Variants in ANXA8 observed in about 807,000 individuals in gnomAD.
ANXA8 encodes the protein VAC-beta.
ANXA8 carries 9 observed loss-of-function variants against 26.8 expected under a neutral mutation model. The ratio of observed to expected loss-of-function variants is 0.34; its 90% CI spans 0.20 to 0.59. The LOEUF (loss-of-function observed/expected upper bound fraction) is 0.59, where lower values mean the gene tolerates loss of function less well. Among genes scored for constraint, ANXA8 ranks in the 20% least tolerant of loss-of-function variants. The pLI is 0.84. For synonymous variants in ANXA8, 39 were observed against 94.8 expected (o/e 0.41, Z 3.42); for missense variants, 83 against 238.5 (o/e 0.35, Z 4.29).
chr10:47,580,234 A>C, the ANXA8 span, among the ~76,000 whole-genome samples: 5 of 152,222 alleles, frequency 3.3e-5, no homozygotes, highest in African/African-American at 1.2e-4. Flanking sequence ...CCCCACCTTC[A>C]ACAGTAAATA....
the ANXA8 span, among the ~76,000 whole-genome samples, chr10:47,693,292 C>CTT: frequency 2.8e-4 from 40 of 140,854 alleles, 1 homozygote; most frequent in Non-Finnish European, 3.6e-4. Flanking sequence ...CAAGTACAAT[C>CTT]TTTTTTTTTT....
the ANXA8 span, among the ~76,000 whole-genome samples, chr10:47,703,889 G>A: frequency 1.4e-5 from 2 of 146,180 alleles, no homozygotes; most frequent in African/African-American, 4.9e-5. Flanking sequence ...TATTTTTTGT[G>A]GAATTGCCAA....
the ANXA8 span, among the ~76,000 whole-genome samples, chr10:47,775,786 T>A: frequency 6.8e-6 from 1 of 147,724 alleles, no homozygotes; most frequent in Non-Finnish European, 1.5e-5. Context: ...CAGGTGGCCC[T>A]ATTTTAGATC....
At chr10:47,577,263 C>T in the ANXA8 span, among the ~76,000 whole-genome samples, 4 of 139,016 alleles carry the variant, frequency 2.9e-5, 1 homozygote, top group African/African-American at 1.1e-4. Flanking sequence ...GGAAGCTCAG[C>T]ATGGTGGCTC....
At chr10:47,600,140 A>C in the ANXA8 span, among the ~76,000 whole-genome samples, 1 of 149,314 alleles carries the variant, frequency 6.7e-6, no homozygotes, top group African/African-American at 2.6e-5. Context: ...AGCTATGTGC[A>C]CTAAACTTAT....
the ANXA8 span, among the ~76,000 whole-genome samples, chr10:47,603,407 G>A: frequency 4.7e-5 from 7 of 149,852 alleles, no homozygotes; most frequent in African/African-American, 7.6e-5. Flanking sequence ...ACAGATAACC[G>A]ATTTTAATTT....
chr10:47,736,735 A>T, the ANXA8 span, among the ~76,000 whole-genome samples: 1 of 146,090 alleles, frequency 6.8e-6, no homozygotes, highest in African/African-American at 2.5e-5. Context: ...GCTCACTGCA[A>T]CATCTGCCTC....
the ANXA8 span, among the ~76,000 whole-genome samples, chr10:47,715,293 A>G: frequency 0.066 from 4,445 of 67,710 alleles, no homozygotes; most frequent in African/African-American, 0.11. Context: ...TAAAAATACA[A>G]AAATTAGCCG....
the ANXA8 span, among the ~76,000 whole-genome samples, chr10:47,957,151 T>C: frequency 1.3e-4 from 19 of 150,046 alleles, no homozygotes; most frequent in Non-Finnish European, 2.4e-4. Context: ...GCCACTGACA[T>C]CAGCTTATTC....
the ANXA8 span, among the ~76,000 whole-genome samples, chr10:47,966,795 G>T: frequency 1.7e-5 from 1 of 57,518 alleles, no homozygotes; most frequent in African/African-American, 6.0e-5. Context: ...ATTGCTTTTT[G>T]ATTTAAGCAG....
At chr10:47,675,631 T>C in the ANXA8 span, among the ~76,000 whole-genome samples, 2 of 151,684 alleles carry the variant, frequency 1.3e-5, no homozygotes, top group African/African-American at 4.9e-5. Context: ...AGAAAAATTG[T>C]CATGTCTTTT....
At chr10:47,945,058 G>C in the ANXA8 span, among the ~76,000 whole-genome samples, 1 of 150,486 alleles carries the variant, frequency 6.6e-6, no homozygotes, top group East Asian at 2.1e-4. Context: ...CTGGAGTGGA[G>C]AGCTTCTATG....
At chr10:47,643,430 G>A in the ANXA8 span, among the ~76,000 whole-genome samples, 1 of 145,578 alleles carries the variant, frequency 6.9e-6, no homozygotes, top group African/African-American at 2.8e-5. Flanking sequence ...TCGGGAGGCT[G>A]AGGCAGGAGA....
At chr10:47,645,728 C>T in the ANXA8 span, among the ~76,000 whole-genome samples, 1 of 150,632 alleles carries the variant, frequency 6.6e-6, no homozygotes, top group Non-Finnish European at 1.5e-5. Flanking sequence ...GAGAAATTAG[C>T]ATTTGAATAG....
At chr10:47,618,705 C>T in the ANXA8 span, among the ~76,000 whole-genome samples, 8 of 112,204 alleles carry the variant, frequency 7.1e-5, 3 homozygotes, top group African/African-American at 1.0e-4. Flanking sequence ...ACAAATCATA[C>T]GCTTTGTAAA....
the ANXA8 span, among the ~76,000 whole-genome samples, chr10:47,640,012 A>C: frequency 8.4e-5 from 12 of 142,654 alleles, no homozygotes; most frequent in African/African-American, 3.0e-4. Flanking sequence ...GGTTGGTCTC[A>C]ATCTCCTGGG....
the ANXA8 span, among the ~76,000 whole-genome samples, chr10:47,985,212 T>G: frequency 6.7e-6 from 1 of 149,446 alleles, no homozygotes; most frequent in Non-Finnish European, 1.5e-5. Flanking sequence ...GGAAATATAC[T>G]TAACATCATT....
the ANXA8 span, among the ~76,000 whole-genome samples, chr10:47,551,436 C>T: frequency 6.6e-6 from 1 of 151,414 alleles, no homozygotes; most frequent in East Asian, 1.9e-4. Flanking sequence ...TTTTATATTA[C>T]AACTTTGTAA....
chr10:47,948,901 C>T, the ANXA8 span, among the ~76,000 whole-genome samples: 7 of 151,262 alleles, frequency 4.6e-5, no homozygotes, highest in African/African-American at 1.7e-4. Context: ...GACAGACTGA[C>T]TCTCCTGCAA....
Sources: gnomAD v4.1 joint callset for allele counts (sites outside exome capture counted in the v4.1 genomes callset) on GRCh38, gnomAD v4.1.1 for gene constraint, MANE v1.5 for transcripts, NCBI Gene and HGNC (gene_info 2026-07-23, HGNC 2026-07-21) for gene names.